RALGPS1: variants seen among roughly 807,000 people sequenced by gnomAD.
The protein encoded by RALGPS1 is ras-specific guanine nucleotide-releasing factor RalGPS1.
RALGPS1 carries 19 observed loss-of-function variants against 78.8 expected under a neutral mutation model. The observed-to-expected ratio is 0.24, with a 90% CI of 0.17 to 0.35. RALGPS1 has a LOEUF of 0.35. Ranked by LOEUF, RALGPS1 falls within the 10% of genes least tolerant of loss-of-function variation. The pLI is 1.00. For missense variants in RALGPS1, 454 were observed against 688.3 expected, an observed-to-expected ratio of 0.66 and a Z score of 3.81; for synonymous variants, 228 against 256.3, an observed-to-expected ratio of 0.89 and a Z score of 1.06.
chr9:127,117,188 A>G (rs1280739212), intron 8 of RALGPS1, among the ~76,000 whole-genome samples: 2 of 152,182 alleles, frequency 1.3e-5, no homozygotes, highest in East Asian at 3.9e-4. Context: ...CCATGAAGCC[A>G]TCCATTCAGT....
At position 127,196,491 on chromosome 9, in the gene RALGPS1, G is replaced by A. The variant is rs1223250961; in HGVS notation, c.1055G>A (p.Ser352Asn). 4 of 1,613,688 alleles carry A rather than the reference G, an allele frequency of 2.5e-6. No individual in the cohort carries two copies. The highest frequency in any genetic ancestry group is 1.7e-5 in the Admixed American group (1 of 59,930). The change falls in exon 13 of 19, where the codon AGT becomes AAT. Residue 352 changes from serine (S) to asparagine (N), a missense_variant. Coordinates refer to ENST00000259351, the MANE Select transcript of RALGPS1 (RefSeq NM_014636.3). ...SLGNNMMCQLSVVESKSATFP... is the reference protein window; with the variant it reads ...SLGNNMMCQLNVVESKSATFP... ...TTTTCCAGTATGATGTGTCAGTTGA[G>A]TGTAGTTGAGAGTAAAAGTGCGACA...
intron 8 of RALGPS1, among the ~76,000 whole-genome samples, chr9:127,076,354 C>A (rs2050681809): frequency 6.6e-6 from 1 of 152,110 alleles, no homozygotes. Context: ...GTAACCATAG[C>A]AGTGTGGAAA....
At chr9:127,064,066 C>T (rs960921628) in intron 7 of RALGPS1, among the ~76,000 whole-genome samples, 13 of 152,192 alleles carry the variant, frequency 8.5e-5, no homozygotes, top group Admixed American at 6.5e-5. Context: ...TGTTATCATA[C>T]AGGCAAGCAC....
At chr9:127,027,467 G>A (rs2046053793) in intron 4 of RALGPS1, among the ~76,000 whole-genome samples, 1 of 152,122 alleles carries the variant, frequency 6.6e-6, no homozygotes, top group Non-Finnish European at 1.5e-5. Context: ...GTCTCATTAA[G>A]AGTTATAGAA....
chr9:127,063,079 A>T (rs181164219), intron 7 of RALGPS1, among the ~76,000 whole-genome samples: 13 of 152,344 alleles, frequency 8.5e-5, no homozygotes, highest in Admixed American at 1.3e-4. Context: ...TTGCTAAAAA[A>T]TATTTCCATG....
At chr9:126,952,990 C>G (rs1443045263) in intron 1 of RALGPS1, among the ~76,000 whole-genome samples, 1 of 152,032 alleles carries the variant, frequency 6.6e-6, no homozygotes, top group East Asian at 1.9e-4. Context: ...ATTGAGCATT[C>G]CTGGACGTGT....
chr9:126,923,395 G>C (rs908634385), intron 1 of RALGPS1, among the ~76,000 whole-genome samples: 2 of 152,146 alleles, frequency 1.3e-5, no homozygotes, highest in African/African-American at 4.8e-5. Flanking sequence ...TCAAGGTGTG[G>C]CTTCTGACAC....
At chr9:127,187,689 CTG>C (rs1210050690) in intron 11 of RALGPS1, among the ~76,000 whole-genome samples, 1 of 152,240 alleles carries the variant, frequency 6.6e-6, no homozygotes, top group Non-Finnish European at 1.5e-5. Context: ...GGCAGTGAGA[CTG>C]TAATCCCTCG....
intron 8 of RALGPS1, chr9:127,087,990 C>T (rs1422668101): frequency 6.6e-6 from 1 of 152,626 alleles, no homozygotes; most frequent in Non-Finnish European, 1.5e-5. Context: ...CCTGGCCTTC[C>T]CTTCCCAACC....
At position 127,174,783 on chromosome 9, in the gene RALGPS1, G is replaced by T; in HGVS notation, c.910+1G>T. 1.9e-6 allele frequency: 3 copies of T among 1,613,928 alleles called. No individual in the cohort carries two copies. The highest frequency in any genetic ancestry group is 2.5e-6 in the Non-Finnish European group (3 of 1,179,860). ...GTCTCTTCCAAGGAAGATCTTGCAG[G>T]TATCGTAGCTACCTCGAGTGGGAGC... is the stretch of plus-strand genomic sequence containing the variant. On this transcript the variant is annotated splice_donor_variant, in intron 11 of 18. Coordinates refer to ENST00000259351, the MANE Select transcript of RALGPS1 (RefSeq NM_014636.3). LOFTEE classifies it high-confidence loss of function.
chr9:127,031,111 G>C (rs554947596), intron 4 of RALGPS1, among the ~76,000 whole-genome samples: 1 of 152,282 alleles, frequency 6.6e-6, no homozygotes, highest in South Asian at 2.1e-4. Flanking sequence ...CACAGACACA[G>C]AGCTACCAGG....
intron 1 of RALGPS1, among the ~76,000 whole-genome samples, chr9:126,927,636 C>G (rs889962591): frequency 3.9e-5 from 6 of 152,202 alleles, no homozygotes; most frequent in Admixed American, 3.9e-4. Flanking sequence ...TGCAGACAGT[C>G]TCTACCCCCT....
intron 4 of RALGPS1, among the ~76,000 whole-genome samples, chr9:127,031,298 G>A (rs192361532): frequency 6.6e-6 from 1 of 152,192 alleles, no homozygotes; most frequent in African/African-American, 2.4e-5. Flanking sequence ...CACTTAACAC[G>A]GATGGAATCT....
chr9:126,962,973 G>A lies in RALGPS1; in HGVS notation c.57+627G>A, dbSNP rs371486043. Among the ~76,000 whole-genome samples the A allele has an allele frequency of 2.8e-3, 420 of 152,336 alleles. 3 individuals are homozygous for A. The highest frequency in any genetic ancestry group is 9.5e-3 in the African/African-American group (395 of 41,580). On this transcript the variant is annotated intron_variant, in intron 2 of 18. Coordinates refer to ENST00000259351, the MANE Select transcript of RALGPS1 (RefSeq NM_014636.3). ...CCACAAGGCCCTCCTCATTATGCTA[G>A]GCTTTTGAAGTGATCCTGGGTAACC...
chr9:127,040,632 T>C (rs1217253225), intron 5 of RALGPS1, among the ~76,000 whole-genome samples: 2 of 151,840 alleles, frequency 1.3e-5, no homozygotes, highest in Non-Finnish European at 1.5e-5. Context: ...AAGAAAGAGG[T>C]GGCTGAGGTG....
intron 4 of RALGPS1, among the ~76,000 whole-genome samples, chr9:126,995,525 A>T (rs1320531648): frequency 3.3e-5 from 5 of 152,264 alleles, no homozygotes; most frequent in African/African-American, 9.6e-5. Flanking sequence ...ACCCAGATTC[A>T]TAAAGCACGT....
chr9:127,048,212 C>T (rs923292407), intron 5 of RALGPS1, among the ~76,000 whole-genome samples: 2 of 152,112 alleles, frequency 1.3e-5, no homozygotes, highest in Non-Finnish European at 2.9e-5. Context: ...TCGTCACTCA[C>T]AACCCCCACC....
chr9:127,095,271 A>G (rs1383647715), intron 8 of RALGPS1, among the ~76,000 whole-genome samples: 1 of 152,036 alleles, frequency 6.6e-6, no homozygotes, highest in Non-Finnish European at 1.5e-5. Context: ...GGTGGCACGC[A>G]CCTGTGATCC....
intron 8 of RALGPS1, among the ~76,000 whole-genome samples, chr9:127,083,097 C>T (rs2051341083): frequency 6.6e-6 from 1 of 152,166 alleles, no homozygotes; most frequent in Non-Finnish European, 1.5e-5. Flanking sequence ...AAATATGGTC[C>T]TGGAGAGGAT....
Sources: allele counts gnomAD v4.1 joint callset (sites outside exome capture counted in the v4.1 genomes callset), GRCh38; gene constraint gnomAD v4.1.1; transcripts MANE v1.5; gene names NCBI Gene and HGNC (gene_info 2026-07-23, HGNC 2026-07-21).